COPS3: variants seen among roughly 807,000 people sequenced by gnomAD.
COPS3 encodes COP9 signalosome complex subunit 3.
A neutral mutation model predicts 58.2 loss-of-function variants in COPS3; 10 were observed. The observed-to-expected ratio is 0.17, with a 90% CI of 0.11 to 0.29. The LOEUF is 0.29. COPS3 is among the 10% of genes least tolerant of loss of function. The pLI is 1.00. For missense variants in COPS3, 333 were observed against 510.1 expected (o/e 0.65, Z 3.34); for synonymous variants, 187 against 181.7 (o/e 1.03, Z -0.24).
chr17:17,266,681 C>T (rs1338752324), intron 5 of COPS3, among the ~76,000 whole-genome samples: 1 of 151,970 alleles, frequency 6.6e-6, no homozygotes, highest in Non-Finnish European at 1.5e-5. Context: ...CGTCCACAAT[C>T]CCAGCTACTC....
At chr17:17,251,679 T>C (rs1800483953) in intron 9 of COPS3, among the ~76,000 whole-genome samples, 1 of 152,162 alleles carries the variant, frequency 6.6e-6, no homozygotes, top group Admixed American at 6.6e-5. Flanking sequence ...TACAGCATCA[T>C]GCATGACTCT....
intron 2 of COPS3, among the ~76,000 whole-genome samples, chr17:17,274,422 TTTTC>T (rs2048416445): frequency 2.2e-5 from 2 of 93,004 alleles, no homozygotes; most frequent in African/African-American, 6.5e-5. Context: ...TATGATTAGC[TTTTC>T]TTTTTTTTTT....
chr17:17,256,634 T>A (rs2047981491), intron 8 of COPS3, among the ~76,000 whole-genome samples: 1 of 152,128 alleles, frequency 6.6e-6, no homozygotes. Flanking sequence ...GGAGTCTTGC[T>A]CTGTTGCCCA....
intron 9 of COPS3, 27 bp downstream of exon 9, chr17:17,254,832 A>AT: frequency 1.7e-5 from 22 of 1,304,246 alleles, no homozygotes; most frequent in Non-Finnish European, 2.3e-5. Context: ...AAAAAAAAAA[A>AT]GAAAAAGAAA....
Position 17,273,159 on chromosome 17 carries a change from G to A in COPS3, c.186-2151C>T, listed in dbSNP as rs59301959. ...AAAGTGAGAGTCTGGCTTCACTTAC[G>A]CTGGGATTCCTGAGACAAAGGTATG... is the stretch of plus-strand genomic sequence containing the variant. On this transcript the variant is annotated intron_variant, in intron 2 of 11. Transcript: ENST00000268717. Among the ~76,000 whole-genome samples, 699 of 152,272 alleles carry A rather than the reference G, an allele frequency of 4.6e-3. 5 individuals are homozygous for A. Among genetic ancestry groups the A allele is most frequent in the Middle Eastern group, 0.031 (9 of 294 alleles).
chr17:17,272,880 T>C (rs1228828989), intron 2 of COPS3, among the ~76,000 whole-genome samples: 1 of 152,200 alleles, frequency 6.6e-6, no homozygotes, highest in African/African-American at 2.4e-5. Context: ...CCAGCCTACA[T>C]GACAAAGTGA....
At chr17:17,271,966 C>G (rs909098910) in intron 2 of COPS3, among the ~76,000 whole-genome samples, 2 of 149,240 alleles carry the variant, frequency 1.3e-5, no homozygotes, top group African/African-American at 4.9e-5. Flanking sequence ...GAACAACTTT[C>G]AAGATGAAAA....
chr17:17,266,356 C>T (rs1359515848), intron 5 of COPS3, among the ~76,000 whole-genome samples: 1 of 152,056 alleles, frequency 6.6e-6, no homozygotes, highest in Non-Finnish European at 1.5e-5. Context: ...CTTTTATGTC[C>T]ATAAAAAGTT....
intron 8 of COPS3, among the ~76,000 whole-genome samples, chr17:17,258,768 C>A (rs980773049): frequency 1.3e-5 from 2 of 152,112 alleles, no homozygotes; most frequent in African/African-American, 4.8e-5. Flanking sequence ...ACCTGTAGGT[C>A]AAGCTGGTTT....
intron 5 of COPS3, among the ~76,000 whole-genome samples, chr17:17,266,943 G>A (rs889841200): frequency 6.6e-6 from 1 of 151,456 alleles, no homozygotes; most frequent in African/African-American, 2.4e-5. Flanking sequence ...CCGGACCTCA[G>A]GTGATCCGCC....
chr17:17,279,120 C>T (rs1159541220), intron 1 of COPS3, among the ~76,000 whole-genome samples: 6 of 152,038 alleles, frequency 3.9e-5, no homozygotes, highest in African/African-American at 7.2e-5. Context: ...ATGATCCGCC[C>T]GCCTCGGCCT....
chr17:17,252,024 G>C (rs144615996), intron 9 of COPS3, among the ~76,000 whole-genome samples: 2 of 151,574 alleles, frequency 1.3e-5, no homozygotes, highest in Non-Finnish European at 2.9e-5. Context: ...AGCTGAGATC[G>C]CACCACTGCA....
intron 1 of COPS3, among the ~76,000 whole-genome samples, chr17:17,278,849 G>C (rs1403115170): frequency 6.6e-6 from 1 of 151,204 alleles, no homozygotes; most frequent in Non-Finnish European, 1.5e-5. Flanking sequence ...AGTGTAACCA[G>C]AGATGTGGCC....
intron 8 of COPS3, among the ~76,000 whole-genome samples, chr17:17,256,577 G>A (rs1260984810): frequency 6.6e-6 from 1 of 152,060 alleles, no homozygotes; most frequent in Non-Finnish European, 1.5e-5. Context: ...TTTCAGAGCT[G>A]GGCATATTAA....
Position 17,280,731 on chromosome 17 carries a change from A to G in COPS3, c.55+401T>C, listed in dbSNP as rs558613881. ...GCCCGCTCCCGGCGGCCTAGTCAGC[A>G]AGCTGCGGATCGGCGGCAAAGATGA... is the stretch of plus-strand genomic sequence containing the variant. On this transcript the variant is annotated intron_variant, in intron 1 of 11. Coordinates refer to ENST00000268717, the MANE Select transcript of COPS3 (RefSeq NM_003653.4). The G allele has an allele frequency of 1.8e-3, 2,254 of 1,246,292 alleles. 3 individuals carry two copies. The highest frequency in any genetic ancestry group is 6.0e-3 in the Admixed American group (189 of 31,592). 77.2% of individuals were successfully genotyped at this position (1,246,292 alleles called of 1,614,324 possible). A position where few individuals can be genotyped will look rare whatever the true frequency, so the allele number is the denominator to read the frequency against.
intron 4 of COPS3, 106 bp downstream of exon 4, chr17:17,270,652 A>C (rs940823325): frequency 3.1e-6 from 3 of 960,588 alleles, no homozygotes; most frequent in Non-Finnish European, 3.1e-6. Context: ...ACAGATATCT[A>C]GGTGGTGGAT....
At position 17,267,840 on chromosome 17, in the gene COPS3, C is replaced by G. The variant is rs755203083; in HGVS notation, c.441+45G>C. ...CAATGTTGAGCAAGCCCATAAACAA[C>G]CTACACCTCTGACTTGGTGTGAATC... is the stretch of plus-strand genomic sequence containing the variant. On this transcript the variant is annotated intron_variant, in intron 5 of 11. Transcript: ENST00000268717. 12 of 1,595,116 alleles carry G rather than the reference C, an allele frequency of 7.5e-6. No homozygotes were observed. The Admixed American group carries it at 2.1e-4, about 27-fold the overall frequency.
At chr17:17,248,796 A>G (rs2047777938) in intron 10 of COPS3, 130 bp downstream of exon 10, 5 of 598,782 alleles carry the variant, frequency 8.4e-6, no homozygotes, top group Admixed American at 6.7e-5. Flanking sequence ...CTAACTTTCT[A>G]GTAACTAAGA....
At chr17:17,269,066 T>C (rs2048290267) in intron 4 of COPS3, among the ~76,000 whole-genome samples, 1 of 152,128 alleles carries the variant, frequency 6.6e-6, no homozygotes, top group South Asian at 2.1e-4. Context: ...GGCTCACACC[T>C]GTAATCTCAG....
Sources: allele counts gnomAD v4.1 joint callset (sites outside exome capture counted in the v4.1 genomes callset), GRCh38; gene constraint gnomAD v4.1.1; transcripts MANE v1.5; gene names NCBI Gene and HGNC (gene_info 2026-07-23, HGNC 2026-07-21).